ANO4: variants seen among roughly 807,000 people sequenced by gnomAD.
ANO4 encodes the protein anoctamin 4.
In ANO4, 69 loss-of-function variants were observed where a neutral mutation model predicts 141.9. The ratio of observed to expected loss-of-function variants is 0.49; its 90% confidence interval spans 0.40 to 0.59. The LOEUF (loss-of-function observed/expected upper bound fraction) is 0.59. Ranked by LOEUF, ANO4 falls within the 20% of genes least tolerant of loss-of-function variation. The probability of loss-of-function intolerance (pLI) is 0.00; values close to 1 mark genes in which losing one functional copy is unlikely to be tolerated. For missense variants in ANO4, 894 were observed against 1,162.2 expected (o/e 0.77, Z 3.36); for synonymous variants, 350 against 394.3 (o/e 0.89, Z 1.33).
Position 100,872,951 on chromosome 12 carries a change from G to A in ANO4, c.-140-28695G>A, listed in dbSNP as rs150629581. Among the ~76,000 whole-genome samples, 122 of 152,262 alleles carry A rather than the reference G, an allele frequency of 8.0e-4. 1 individual carries two copies. The highest frequency in any genetic ancestry group is 2.9e-3 in the African/African-American group (119 of 41,552). ...GGCGGATTTCCTCCTTGCTGTTCTT[G>A]TGATAGTGAGTTCTCACAAGATCTG... On this transcript the variant is annotated intron_variant, in intron 1 of 27. Coordinates refer to ENST00000392977, the MANE Select transcript of ANO4 (RefSeq NM_001286615.2).
chr12:101,049,969 G>T (rs1251032932), intron 14 of ANO4, among the ~76,000 whole-genome samples: 1 of 152,136 alleles, frequency 6.6e-6, no homozygotes, highest in South Asian at 2.1e-4. Flanking sequence ...ACTAGAAAAT[G>T]TAAAGGGAAA....
chr12:100,854,935 G>A (rs1472208821), intron 1 of ANO4, among the ~76,000 whole-genome samples: 1 of 152,106 alleles, frequency 6.6e-6, no homozygotes, highest in African/African-American at 2.4e-5. Flanking sequence ...GGCATTTTGA[G>A]GTCTGTGGCT....
intron 13 of ANO4, among the ~76,000 whole-genome samples, chr12:101,044,649 A>G (rs1480411354): frequency 1.3e-5 from 2 of 152,212 alleles, no homozygotes; most frequent in African/African-American, 4.8e-5. Flanking sequence ...AACATTTGAT[A>G]GGCAACCCAG....
At position 101,020,065 on chromosome 12, in the gene ANO4, A is replaced by G. The variant is rs1165048769; in HGVS notation, c.766A>G (p.Asn256Asp). 2.5e-6 allele frequency: 4 copies of G among 1,613,546 alleles called. No individual in the cohort carries two copies. Among genetic ancestry groups the G allele is most frequent in the Non-Finnish European group, 3.4e-6 (4 of 1,179,698 alleles). ...CATACACAACAAAGAAACGTTCTTC[A>G]ACAATGCCACAAGAAGTAGAATCGT... ...FIIHNKETFF[N>D]NATRSRIVHH... The change falls in exon 9 of 28, where the codon AAC becomes GAC. Residue 256 changes from asparagine to aspartate, a missense_variant. Asn to Asp is a conservative substitution (Grantham distance 23). Coordinates refer to ENST00000392977, the MANE Select transcript of ANO4 (RefSeq NM_001286615.2).
chr12:101,095,605 C>T (rs1396211364), intron 18 of ANO4, among the ~76,000 whole-genome samples: 1 of 152,106 alleles, frequency 6.6e-6, no homozygotes, highest in Admixed American at 6.5e-5. Flanking sequence ...TTCTCCCTTC[C>T]CTTCTCAGAC....
chr12:101,052,739 CA>C (rs143448920), intron 14 of ANO4, among the ~76,000 whole-genome samples: 3 of 152,024 alleles, frequency 2.0e-5, no homozygotes, highest in Non-Finnish European at 4.4e-5. Flanking sequence ...ACATGTTCCA[CA>C]AAAAAATGGT....
chr12:100,817,414 G>C (rs1380350886), intron 1 of ANO4, among the ~76,000 whole-genome samples: 1 of 151,718 alleles, frequency 6.6e-6, no homozygotes, highest in Non-Finnish European at 1.5e-5. Flanking sequence ...TTGAGATATT[G>C]AAAAGAAAAT....
intron 1 of ANO4, among the ~76,000 whole-genome samples, chr12:100,826,528 G>A (rs1387143822): frequency 6.6e-6 from 1 of 152,018 alleles, no homozygotes; most frequent in Non-Finnish European, 1.5e-5. Context: ...GTTGGGTGCT[G>A]TCCATGGTAC....
At chr12:100,817,286 C>T (rs2035788732) in intron 1 of ANO4, among the ~76,000 whole-genome samples, 1 of 151,742 alleles carries the variant, frequency 6.6e-6, no homozygotes, top group Non-Finnish European at 1.5e-5. Context: ...TATATTCTAG[C>T]TTTATCTATG....
At chr12:100,784,407 T>G (rs1339049251) in intron 3 of ANO4, among the ~76,000 whole-genome samples, 1 of 152,186 alleles carries the variant, frequency 6.6e-6, no homozygotes, top group Non-Finnish European at 1.5e-5. Flanking sequence ...ACCCTTACCT[T>G]GGGGTTTATT....
chr12:100,717,367 C>T (rs1270990517), upstream of ANO4, among the ~76,000 whole-genome samples: 1 of 151,480 alleles, frequency 6.6e-6, no homozygotes, highest in Admixed American at 6.6e-5. Context: ...GCTCTAGGGG[C>T]GAGCGCGGCG....
At chr12:101,029,772 T>A (rs2046895888) in intron 9 of ANO4, among the ~76,000 whole-genome samples, 1 of 151,796 alleles carries the variant, frequency 6.6e-6, no homozygotes, top group South Asian at 2.1e-4. Flanking sequence ...TAGCTGGGTA[T>A]GGTGGCATGT....
intron 4 of ANO4, among the ~76,000 whole-genome samples, 176 bp from the exon 5 acceptor site, chr12:100,942,201 G>C (rs566447713): frequency 5.3e-5 from 8 of 151,938 alleles, no homozygotes; most frequent in African/African-American, 1.9e-4. Flanking sequence ...GGCTGGTCTC[G>C]AACTCCTGAC....
chr12:101,021,781 T>C (rs2046538653), intron 9 of ANO4, among the ~76,000 whole-genome samples: 2 of 152,206 alleles, frequency 1.3e-5, no homozygotes, highest in Non-Finnish European at 2.9e-5. Flanking sequence ...TGGTTATTAA[T>C]GAGATTTGAG....
At chr12:101,056,471 A>G (rs1241057850) in intron 14 of ANO4, among the ~76,000 whole-genome samples, 1 of 152,164 alleles carries the variant, frequency 6.6e-6, no homozygotes, top group African/African-American at 2.4e-5. Context: ...AAACTCAGTT[A>G]TTAGTGCTTC....
At chr12:100,939,136 T>C (rs1371436170) in intron 3 of ANO4, among the ~76,000 whole-genome samples, 179 bp from the exon 4 acceptor site, 1 of 152,218 alleles carries the variant, frequency 6.6e-6, no homozygotes, top group Non-Finnish European at 1.5e-5. Flanking sequence ...ATACACTGTT[T>C]GGTCAAACAT....
chr12:100,974,511 A>C (rs534871849), intron 6 of ANO4, among the ~76,000 whole-genome samples: 1 of 152,146 alleles, frequency 6.6e-6, no homozygotes, highest in African/African-American at 2.4e-5. Flanking sequence ...TTTCCTGGGG[A>C]AAAAAGCTGA....
At chr12:101,103,934 T>C (rs929980598) in intron 22 of ANO4, among the ~76,000 whole-genome samples, 2 of 152,012 alleles carry the variant, frequency 1.3e-5, no homozygotes, top group African/African-American at 4.8e-5. Context: ...TTTTTGTTTC[T>C]TCTAGCATCT....
intron 3 of ANO4, among the ~76,000 whole-genome samples, chr12:100,776,084 T>A (rs186542093): frequency 5.9e-5 from 9 of 152,302 alleles, no homozygotes; most frequent in African/African-American, 1.9e-4. Context: ...GTTTCTTTAA[T>A]CCTCAGAAAA....
Sources: allele counts gnomAD v4.1 joint callset (sites outside exome capture counted in the v4.1 genomes callset), GRCh38; gene constraint gnomAD v4.1.1; transcripts MANE v1.5; gene names NCBI Gene and HGNC (gene_info 2026-07-23, HGNC 2026-07-21).